Variants in PTPRD observed in about 807,000 individuals in gnomAD.
PTPRD encodes protein tyrosine phosphatase receptor type D.
Under a neutral mutation model 214.5 loss-of-function variants are expected in PTPRD, and 34 were observed. That is an observed-to-expected ratio of 0.16 (90% CI 0.12 to 0.21). The LOEUF is 0.21. Among genes scored for constraint, PTPRD ranks in the 10% least tolerant of loss-of-function variants. The probability of loss-of-function intolerance (pLI) is 1.00; values close to 1 mark genes in which losing one functional copy is unlikely to be tolerated. For synonymous variants in PTPRD, 1,128 were observed against 845.7 expected (o/e 1.33, Z -5.79); for missense variants, 2,545 against 2,398.7 (o/e 1.06, Z -1.27).
In PTPRD at chr9:8,583,338, T is replaced by C. The variant is rs115340068; in HGVS notation, c.352+49979A>G. On this transcript the variant is annotated intron_variant, in intron 14 of 45. Transcript: ENST00000381196. ...GGGACCCCTGATTTAGACAACATGT[T>C]TCAACACGGATTATTTGTTTTTAGA... Among the ~76,000 whole-genome samples the C allele has an allele frequency of 1.7e-3, 254 of 152,236 alleles. 1 individual carries two copies. The highest frequency in any genetic ancestry group is 6.8e-3 in the Middle Eastern group (2 of 294).
intron 10 of PTPRD, among the ~76,000 whole-genome samples, chr9:9,019,497 G>T (rs62531090): frequency 0.34 from 52,399 of 152,026 alleles, 9,501 homozygotes; most frequent in Non-Finnish European, 0.4. Context: ...TTAAGGTCAG[G>T]AATTCAACAC....
intron 11 of PTPRD, among the ~76,000 whole-genome samples, chr9:8,993,857 T>A (rs1319310225): frequency 6.6e-6 from 1 of 152,088 alleles, no homozygotes; most frequent in Non-Finnish European, 1.5e-5. Context: ...AGCTCATTTA[T>A]AAAACCTAGC....
rs1555264157 is a variant in PTPRD at position 8,748,537 on chromosome 9, A to AAAG, written c.-103-14592_-103-14591insCTT. ...CCTGCAACTGCAAAAAAAAAAAAAA[A>AAAG]AAAGAAAAAGAAAAAGAAAAAGAAA... is the stretch of plus-strand genomic sequence containing the variant. On this transcript the variant is annotated intron_variant, in intron 11 of 45. Transcript: ENST00000381196. Among the ~76,000 whole-genome samples, 3 of 117,246 alleles carry AAAG rather than the reference A, an allele frequency of 2.6e-5. 1 individual carries two copies. Among genetic ancestry groups the AAAG allele is most frequent in the Non-Finnish European group, 3.4e-5 (2 of 58,516 alleles). 76.9% of individuals were successfully genotyped at this position (117,246 alleles called of 152,430 possible).
chr9:10,609,254 T>A (rs2080307670), intron 2 of PTPRD, among the ~76,000 whole-genome samples: 1 of 151,990 alleles, frequency 6.6e-6, no homozygotes, highest in South Asian at 2.1e-4. Flanking sequence ...TAGATATATT[T>A]AATTCTGTAA....
chr9:9,520,601 A>C (rs2096946818), intron 8 of PTPRD, among the ~76,000 whole-genome samples: 1 of 152,200 alleles, frequency 6.6e-6, no homozygotes, highest in Non-Finnish European at 1.5e-5. Context: ...GCGCAGACTA[A>C]TTTTGAAGGA....
intron 10 of PTPRD, among the ~76,000 whole-genome samples, chr9:9,086,933 A>G (rs994230173): frequency 1.3e-5 from 2 of 152,188 alleles, no homozygotes; most frequent in African/African-American, 4.8e-5. Flanking sequence ...AAAGAAACAG[A>G]TGCCATGGGG....
intron 9 of PTPRD, among the ~76,000 whole-genome samples, chr9:9,195,035 T>C (rs1033670294): frequency 6.7e-6 from 1 of 150,088 alleles, no homozygotes; most frequent in Non-Finnish European, 1.5e-5. Flanking sequence ...TGTGTGTGTG[T>C]ATATATATAC....
At chr9:8,745,603 T>G (rs771290928) in intron 11 of PTPRD, among the ~76,000 whole-genome samples, 3 of 152,212 alleles carry the variant, frequency 2.0e-5, no homozygotes, top group South Asian at 2.1e-4. Flanking sequence ...CCTGTTATTA[T>G]GTACCTGTGT....
chr9:8,584,465 AT>A (rs984517979), intron 14 of PTPRD, among the ~76,000 whole-genome samples: 2 of 150,622 alleles, frequency 1.3e-5, no homozygotes, highest in Admixed American at 6.6e-5. Flanking sequence ...AAAAAAAAAA[AT>A]TTACATTCTT....
At chr9:10,509,145 A>G (rs1295558775) in intron 2 of PTPRD, among the ~76,000 whole-genome samples, 5 of 152,094 alleles carry the variant, frequency 3.3e-5, no homozygotes, top group Non-Finnish European at 7.4e-5. Flanking sequence ...ATATGCAGGT[A>G]AACTTTGACC....
intron 11 of PTPRD, among the ~76,000 whole-genome samples, chr9:8,834,945 T>C (rs1044604977): frequency 2.0e-5 from 3 of 152,196 alleles, no homozygotes; most frequent in Admixed American, 2.0e-4. Context: ...GAGCAAATAA[T>C]AACTCACAGC....
rs79361366 is a variant in PTPRD at position 9,732,148 on chromosome 9, C to T, written c.-287+2385G>A. ...GATACGAGCAGACACACTGATCATGCTGGTCACAGAAGCAGAAATAGTGAT... is the reference window on the plus strand; with the variant it reads ...GATACGAGCAGACACACTGATCATGTTGGTCACAGAAGCAGAAATAGTGAT... On this transcript the variant is annotated intron_variant, in intron 7 of 45. Coordinates refer to ENST00000381196, the MANE Select transcript of PTPRD (RefSeq NM_002839.4). 1.0e-2 allele frequency among the ~76,000 whole-genome samples: 1,515 copies of T among 152,124 alleles called. 11 individuals are homozygous for T. The highest frequency in any genetic ancestry group is 0.016 in the Admixed American group (237 of 15,258).
At chr9:9,863,987 T>C (rs779576313) in intron 5 of PTPRD, among the ~76,000 whole-genome samples, 1 of 152,162 alleles carries the variant, frequency 6.6e-6, no homozygotes, top group African/African-American at 2.4e-5. Flanking sequence ...ATCCAAAAGA[T>C]TGTTCCATAT....
chr9:9,522,854 G>C (rs921787054), intron 8 of PTPRD, among the ~76,000 whole-genome samples: 1 of 152,230 alleles, frequency 6.6e-6, no homozygotes, highest in African/African-American at 2.4e-5. Context: ...TTCTCCAGCT[G>C]TGCCACCTCC....
At chr9:8,847,852 G>A (rs1417131246) in intron 11 of PTPRD, among the ~76,000 whole-genome samples, 1 of 152,054 alleles carries the variant, frequency 6.6e-6, no homozygotes, top group Non-Finnish European at 1.5e-5. Flanking sequence ...ATTAACAAAA[G>A]TTTCTCAGAT....
intron 14 of PTPRD, among the ~76,000 whole-genome samples, chr9:8,584,729 T>C (rs2093490563): frequency 6.6e-6 from 1 of 152,202 alleles, no homozygotes; most frequent in South Asian, 2.1e-4. Context: ...ACTGTATTAG[T>C]CCATTCTCAT....
At position 9,032,057 on chromosome 9, in the gene PTPRD, T is replaced by A. The variant is rs192633602; in HGVS notation, c.-142-13322A>T. On this transcript the variant is annotated intron_variant, in intron 10 of 45. Transcript: ENST00000381196. ...TAAAAAGCTTTTTTTCCATAAAAAA[T>A]TTCTTAAAATATGTAGCCACACAGC... 1.3e-3 allele frequency among the ~76,000 whole-genome samples: 202 copies of A among 152,112 alleles called. 1 individual carries two copies. Among genetic ancestry groups the A allele is most frequent in the African/African-American group, 4.6e-3 (192 of 41,514 alleles).
At chr9:8,745,689 G>A (rs372628947) in intron 11 of PTPRD, among the ~76,000 whole-genome samples, 19 of 152,220 alleles carry the variant, frequency 1.2e-4, no homozygotes, top group African/African-American at 3.9e-4. Context: ...AAATTCTCAC[G>A]TTTGTAATTG....
At chr9:9,133,124 G>T (rs2099845365) in intron 10 of PTPRD, among the ~76,000 whole-genome samples, 1 of 152,042 alleles carries the variant, frequency 6.6e-6, no homozygotes, top group South Asian at 2.1e-4. Context: ...TTTTCTAGTG[G>T]TTTCTGTATT....
Sources: allele counts gnomAD v4.1 joint callset (sites outside exome capture counted in the v4.1 genomes callset), GRCh38; gene constraint gnomAD v4.1.1; transcripts MANE v1.5; gene names NCBI Gene and HGNC (gene_info 2026-07-23, HGNC 2026-07-21).